The following NEU3 variants were observed in gnomAD, a reference collection of about 807,000 sequenced individuals.
NEU3 encodes neuraminidase 3.
A neutral mutation model predicts 11.4 loss-of-function variants in NEU3; 10 were observed. The ratio of observed to expected loss-of-function variants is 0.88; its 90% CI spans 0.54 to 1.49. The LOEUF is 1.49. NEU3 is among the 40% of genes most tolerant of loss of function. The pLI is 0.00. For missense variants in NEU3, 529 were observed against 581.8 expected, an observed-to-expected ratio of 0.91 and a Z score of 0.93; for synonymous variants, 212 against 228.2, an observed-to-expected ratio of 0.93 and a Z score of 0.64.
upstream of NEU3, among the ~76,000 whole-genome samples, chr11:74,983,998 G>A (rs141943396): frequency 1.9e-3 from 291 of 152,180 alleles, no homozygotes; most frequent in African/African-American, 6.6e-3. Context: ...CTGTTACATA[G>A]AGTTCTGTTG....
upstream of NEU3, among the ~76,000 whole-genome samples, chr11:74,985,047 C>G (rs990518857): frequency 2.0e-5 from 3 of 152,134 alleles, no homozygotes; most frequent in African/African-American, 7.2e-5. Flanking sequence ...TTTAACTTCA[C>G]TTTCTCAGGC....
At chr11:74,980,914 C>T in the NEU3 span, among the ~76,000 whole-genome samples, 23 of 152,362 alleles carry the variant, frequency 1.5e-4, no homozygotes, top group African/African-American at 5.5e-4. Context: ...TTTCAGACAA[C>T]AGTCACAGAG....
intron 3 of NEU3, among the ~76,000 whole-genome samples, chr11:75,016,110 T>A (rs903718611): frequency 5.3e-5 from 8 of 152,214 alleles, no homozygotes. Flanking sequence ...GCATAAGCTA[T>A]GTCTGGACAG....
upstream of NEU3, among the ~76,000 whole-genome samples, chr11:74,987,885 C>CATTT: frequency 1.0e-5 from 1 of 97,948 alleles, no homozygotes; most frequent in African/African-American, 4.7e-5. Flanking sequence ...TGGTTCTAGG[C>CATTT]CTTTTTTTTT....
chr11:75,012,846 G>A (rs1948964582), downstream of NEU3, among the ~76,000 whole-genome samples: 1 of 152,168 alleles, frequency 6.6e-6, no homozygotes, highest in Admixed American at 6.5e-5. Context: ...GTTTGCTTTT[G>A]GAATTGAAGG....
At chr11:74,998,813 C>T (rs1948816749) in intron 2 of NEU3, among the ~76,000 whole-genome samples, 1 of 152,178 alleles carries the variant, frequency 6.6e-6, no homozygotes, top group Non-Finnish European at 1.5e-5. Flanking sequence ...TTTCTCATGG[C>T]CTCCCAGGAC....
chr11:74,992,988 A>G (rs979515300), intron 1 of NEU3, among the ~76,000 whole-genome samples: 1 of 152,188 alleles, frequency 6.6e-6, no homozygotes, highest in African/African-American at 2.4e-5. Context: ...AAAGCCCTTT[A>G]TAGCTGAATT....
At chr11:75,012,382 A>T (rs1948961644), downstream of NEU3, among the ~76,000 whole-genome samples, 1 of 152,208 alleles carries the variant, frequency 6.6e-6, no homozygotes, top group Admixed American at 6.5e-5. Context: ...AAATTGGCTT[A>T]TAAAGGTACA....
chr11:74,997,916 G>A (rs1438730119), intron 2 of NEU3, among the ~76,000 whole-genome samples: 1 of 152,096 alleles, frequency 6.6e-6, no homozygotes, highest in Non-Finnish European at 1.5e-5. Flanking sequence ...TTTGGCACAA[G>A]AGGCCTAGCT....
rs1408184337 is a variant in NEU3, at chr11:75,008,532, A to G, written c.*2040A>G. ...CAAGTCGTACAACCAGGGCTAAAGGATGAAAAGAATGAGAATATCAACTTC... is the reference window on the plus strand; with the variant it reads ...CAAGTCGTACAACCAGGGCTAAAGGGTGAAAAGAATGAGAATATCAACTTC... On this transcript the variant is annotated 3_prime_UTR_variant, in exon 3 of 3. Coordinates refer to ENST00000294064, the MANE Select transcript of NEU3 (RefSeq NM_006656.6). 6.7e-6 allele frequency: 1 copy of G among 149,594 alleles called. No individual in the cohort carries two copies. Among genetic ancestry groups the G allele is most frequent in the Non-Finnish European group, 1.5e-5 (1 of 67,750 alleles). The allele number at this position is 149,594 out of a possible 1,614,324, so 9.3% of individuals were successfully genotyped here. A position where few individuals can be genotyped will look rare whatever the true frequency, so the allele number is the denominator to read the frequency against.
chr11:74,985,766 A>C (rs1402462868), upstream of NEU3, among the ~76,000 whole-genome samples: 2 of 152,250 alleles, frequency 1.3e-5, no homozygotes, highest in Non-Finnish European at 2.9e-5. Flanking sequence ...CTTTGCCCCA[A>C]CAACAAAAAT....
Position 74,994,715 on chromosome 11 carries a change from G to C in NEU3, c.301G>C (p.Val101Leu). ...LRRGLRIGQLVQWGPLKPLME... is the reference protein window; with the variant it reads ...LRRGLRIGQLLQWGPLKPLME... ...GCGAGGGTTGAGGATTGGGCAGTTG[G>C]TACAGGTGACTCTTCATCCCAGATC... The change falls in exon 2 of 3, where the codon GTA (valine) becomes CTA (leucine). Residue 101 changes from valine (V) to leucine (L), a missense_variant. Coordinates refer to ENST00000294064, the MANE Select transcript of NEU3 (RefSeq NM_006656.6). 2 of 1,613,720 alleles carry C rather than the reference G, an allele frequency of 1.2e-6. No individual in the cohort carries two copies. The highest frequency in any genetic ancestry group is 1.7e-6 in the Non-Finnish European group (2 of 1,179,612).
At chr11:74,988,818 C>T, upstream of NEU3, 1 of 530,078 alleles carries the variant, frequency 1.9e-6, no homozygotes, top group South Asian at 2.2e-5. Context: ...GAGGGAGGGG[C>T]AGCGCCGAGG....
At position 75,006,183 on chromosome 11, in the gene NEU3, A is replaced by G. The variant is rs1768149533; in HGVS notation, c.1077A>G (p.Glu359=). ...AGGAGGAAGCTGGAACACCGTCAGA[A>G]TCATGGCTCTTGTACTCACACCCAA... is the stretch of plus-strand genomic sequence containing the variant. The part of the protein sequence containing the change: ...RLEEEAGTPS[E]SWLLYSHPTS... Residue 359 remains glutamate, a synonymous_variant, in exon 3 of 3, where the codon GAA becomes GAG. Coordinates refer to ENST00000294064, the MANE Select transcript of NEU3 (RefSeq NM_006656.6). 1.2e-6 allele frequency: 2 copies of G among 1,614,018 alleles called. No homozygotes were observed. Among genetic ancestry groups the G allele is most frequent in the Non-Finnish European group, 1.7e-6 (2 of 1,179,894 alleles).
intron 1 of NEU3, among the ~76,000 whole-genome samples, chr11:74,992,918 C>G (rs1948748043): frequency 6.6e-6 from 1 of 152,102 alleles, no homozygotes; most frequent in South Asian, 2.1e-4. Flanking sequence ...CGAGCTCACA[C>G]CATTGCACTC....
chr11:75,005,314 T>A (rs1349147280), intron 2 of NEU3, 99 bp from the exon 3 acceptor site: 4 of 1,243,338 alleles, frequency 3.2e-6, no homozygotes, highest in South Asian at 1.7e-5. Context: ...GATTTCAATA[T>A]CATTTATTTC....
rs745719653 is a variant in NEU3, at chr11:75,006,079, C to T, written c.973C>T (p.Pro325Ser). Residue 325 changes from proline (P) to serine (S), a missense_variant, in exon 3 of 3, where the codon CCA becomes TCA. Physicochemically the swap from Pro to Ser is moderately conservative, Grantham distance 74. Transcript: ENST00000294064. ...GGTAAGTTTCCGGCCCCTGGAGATC[C>T]CACATAGGTGCCAGGACTCTAGCAG... is the stretch of plus-strand genomic sequence containing the variant. Reference protein sequence around the residue: ...SVVSFRPLEIPHRCQDSSSKD... With the variant: ...SVVSFRPLEISHRCQDSSSKD... 19 of 1,613,866 alleles carry T rather than the reference C, an allele frequency of 1.2e-5. No individual in the cohort carries two copies. Among genetic ancestry groups the T allele is most frequent in the Non-Finnish European group, 1.5e-5 (18 of 1,179,900 alleles).
chr11:74,982,486 A>G, the NEU3 span, among the ~76,000 whole-genome samples: 2 of 152,172 alleles, frequency 1.3e-5, no homozygotes, highest in South Asian at 2.1e-4. Flanking sequence ...GCCTCTCCCA[A>G]CAGTGTCTCC....
chr11:75,015,521 C>CCCCCTCCA (rs1444231839), downstream of NEU3, among the ~76,000 whole-genome samples: 2 of 152,178 alleles, frequency 1.3e-5, no homozygotes, highest in Non-Finnish European at 2.9e-5. Flanking sequence ...CCTCAAGCTT[C>CCCCCTCCA]CCCCTCCACA....
Sources: allele counts gnomAD v4.1 joint callset (sites outside exome capture counted in the v4.1 genomes callset), GRCh38; gene constraint gnomAD v4.1.1; transcripts MANE v1.5; gene names NCBI Gene and HGNC (gene_info 2026-07-23, HGNC 2026-07-21).